Variants in UBXN4 observed in about 807,000 individuals in gnomAD.
The protein encoded by UBXN4 is UBX domain protein 4, also known as UBX domain-containing protein 4.
UBXN4 carries 35 observed loss-of-function variants against 66.2 expected under a neutral mutation model. The ratio of observed to expected loss-of-function variants is 0.53; its 90% confidence interval spans 0.40 to 0.70. UBXN4 has a LOEUF of 0.70. UBXN4 is among the 30% of genes least tolerant of loss of function. The pLI is 0.00. For missense variants in UBXN4, 533 were observed against 599.8 expected (o/e 0.89, Z 1.16); for synonymous variants, 203 against 204.5 (o/e 0.99, Z 0.06).
chr2:135,770,485 T>C, intron 7 of UBXN4, 86 bp from the exon 8 acceptor site: 2 of 910,182 alleles, frequency 2.2e-6, no homozygotes, highest in Non-Finnish European at 3.1e-6. Context: ...GTTTTATTCT[T>C]TTAACTGCAG....
chr2:135,778,323 CCTT>C (rs746399198), intron 10 of UBXN4, among the ~76,000 whole-genome samples: 1 of 151,730 alleles, frequency 6.6e-6, no homozygotes, highest in Admixed American at 6.6e-5. Context: ...AAGTTAGTCT[CCTT>C]CTTTGGAATC....
intron 7 of UBXN4, among the ~76,000 whole-genome samples, chr2:135,770,051 T>A (rs552354615): frequency 1.3e-5 from 2 of 152,326 alleles, no homozygotes; most frequent in Non-Finnish European, 2.9e-5. Flanking sequence ...CCCTCTGCAA[T>A]GATTTTTTTT....
intron 11 of UBXN4, among the ~76,000 whole-genome samples, chr2:135,779,705 A>G (rs2077437821): frequency 6.6e-6 from 1 of 151,836 alleles, no homozygotes; most frequent in Non-Finnish European, 1.5e-5. Context: ...TAATATTCTT[A>G]AAAAATAGTT....
intron 9 of UBXN4, 144 bp downstream of exon 9, chr2:135,772,691 T>C (rs2077390654): frequency 9.4e-7 from 1 of 1,068,454 alleles, no homozygotes. Context: ...CCCAATGGTA[T>C]CTCTCATTTC....
rs1434371577 is a variant in UBXN4, at chr2:135,780,280, T to C, written c.1283T>C (p.Leu428Ser). The change falls in exon 12 of 13, where the codon TTA becomes TCA. Residue 428 changes from leucine (L) to serine (S), a missense_variant. This residue lies in a region of UBXN4 where 529 missense variants were observed against 580.1 expected (regional missense o/e 0.91). Transcript: ENST00000272638. ...VLYPFLAIWRLISNFLFSNPP... is the reference protein window; with the variant it reads ...VLYPFLAIWRSISNFLFSNPP... ...TATCCATTCCTTGCCATCTGGAGAT[T>C]AATTAGCAATTTCTTGTTTAGTAAT... 3 of 1,614,192 alleles carry C rather than the reference T, an allele frequency of 1.9e-6. No homozygotes were observed.
At chr2:135,772,893 T>C (rs2077392006) in intron 9 of UBXN4, among the ~76,000 whole-genome samples, 1 of 151,852 alleles carries the variant, frequency 6.6e-6, no homozygotes, top group Non-Finnish European at 1.5e-5. Context: ...AAAAATTAGC[T>C]GGGCATGGTG....
chr2:135,754,423 AG>A, intron 4 of UBXN4, 146 bp downstream of exon 4: 1 of 618,068 alleles, frequency 1.6e-6, no homozygotes, highest in South Asian at 1.9e-5. Context: ...CCCAGGTTCA[AG>A]TGATTCTCCT....
At chr2:135,780,451 A>G in intron 12 of UBXN4, 66 bp downstream of exon 12, 5 of 1,506,178 alleles carry the variant, frequency 3.3e-6, no homozygotes, top group Non-Finnish European at 4.6e-6. Context: ...TTTTAAGTAA[A>G]AAGTTGAGTA....
chr2:135,782,613 C>T (rs1437161084), intron 12 of UBXN4, 136 bp from the exon 13 acceptor site: 1 of 1,011,644 alleles, frequency 9.9e-7, no homozygotes, highest in Admixed American at 2.3e-5. Context: ...TAATGGTCTC[C>T]CATGGACTTT....
chr2:135,782,626 T>C, intron 12 of UBXN4, 123 bp from the exon 13 acceptor site: 1 of 1,184,688 alleles, frequency 8.4e-7, no homozygotes. Flanking sequence ...TGGACTTTCC[T>C]TACTTTAGAT....
chr2:135,771,928 C>A (rs2077386272), intron 8 of UBXN4, among the ~76,000 whole-genome samples: 1 of 152,158 alleles, frequency 6.6e-6, no homozygotes, highest in African/African-American at 2.4e-5. Context: ...TGAGCAAATT[C>A]ATTTCCTTGT....
At chr2:135,749,648 T>G (rs2077229863) in intron 2 of UBXN4, among the ~76,000 whole-genome samples, 1 of 152,240 alleles carries the variant, frequency 6.6e-6, no homozygotes, top group South Asian at 2.1e-4. Flanking sequence ...TGTTAATTTT[T>G]TAAGCATAAC....
At chr2:135,775,372 T>C (rs1240327770) in intron 9 of UBXN4, among the ~76,000 whole-genome samples, 1 of 152,198 alleles carries the variant, frequency 6.6e-6, no homozygotes, top group Non-Finnish European at 1.5e-5. Flanking sequence ...GCAGCATTAG[T>C]CAAAATAGCT....
intron 2 of UBXN4, among the ~76,000 whole-genome samples, chr2:135,750,783 A>ATACAT (rs1444716570): frequency 1.3e-5 from 2 of 149,854 alleles, no homozygotes; most frequent in African/African-American, 4.9e-5. Context: ...GGAATGTGCA[A>ATACAT]TACATGAGAA....
intron 12 of UBXN4, among the ~76,000 whole-genome samples, chr2:135,782,467 C>T (rs2077456213): frequency 6.6e-6 from 1 of 152,194 alleles, no homozygotes; most frequent in African/African-American, 2.4e-5. Flanking sequence ...AATGGTCACA[C>T]TCCTCTAATG....
chr2:135,753,476 A>G, intron 2 of UBXN4, 63 bp from the exon 3 acceptor site: 1 of 1,420,636 alleles, frequency 7.0e-7, no homozygotes. Context: ...TTTTATTAAA[A>G]CAACTCAGTA....
intron 9 of UBXN4, among the ~76,000 whole-genome samples, chr2:135,775,614 G>A (rs1226287808): frequency 6.6e-6 from 1 of 152,184 alleles, no homozygotes; most frequent in East Asian, 1.9e-4. Context: ...ATTAGTGGTT[G>A]CCAGGGTCTG....
At chr2:135,750,835 C>CTTTTTTTTTTTTT (rs1166056661) in intron 2 of UBXN4, among the ~76,000 whole-genome samples, 1 of 77,470 alleles carries the variant, frequency 1.3e-5, no homozygotes, top group East Asian at 4.8e-4. Context: ...ATGTGTCTGG[C>CTTTTTTTTTTTTT]TTTTTTTTTT....
intron 10 of UBXN4, among the ~76,000 whole-genome samples, chr2:135,776,698 A>G (rs2077417104): frequency 6.6e-6 from 1 of 151,734 alleles, no homozygotes; most frequent in East Asian, 1.9e-4. Context: ...GGCTCAAGCG[A>G]CCCTCCCACC....
Sources: gnomAD v4.1 joint callset for allele counts (sites outside exome capture counted in the v4.1 genomes callset) on GRCh38, gnomAD v4.1.1 for gene constraint, gnomAD v4.1.1 regional missense constraint, MANE v1.5 for transcripts, NCBI Gene and HGNC (gene_info 2026-07-23, HGNC 2026-07-21) for gene names.